The following UBAC2 variants were observed in gnomAD, a reference collection of about 807,000 sequenced individuals.
UBAC2 encodes the protein UBA domain containing 2.
UBAC2 carries 26 observed loss-of-function variants against 44.0 expected under a neutral mutation model. The ratio of observed to expected loss-of-function variants is 0.59; its 90% CI spans 0.43 to 0.82. UBAC2 has a LOEUF of 0.82. UBAC2 is among the 40% of genes least tolerant of loss of function. The pLI is 0.00. For missense variants in UBAC2, 329 were observed against 419.4 expected, an observed-to-expected ratio of 0.78 and a Z score of 1.88; for synonymous variants, 155 against 154.3, an observed-to-expected ratio of 1.00 and a Z score of -0.04.
At chr13:99,207,259 T>C (rs1393775932) in intron 1 of UBAC2, among the ~76,000 whole-genome samples, 1 of 152,242 alleles carries the variant, frequency 6.6e-6, no homozygotes, top group East Asian at 1.9e-4. Context: ...CTTCAGATGC[T>C]TTCTTGATGG....
intron 4 of UBAC2, among the ~76,000 whole-genome samples, chr13:99,299,449 TAC>T (rs1005093496): frequency 2.7e-5 from 4 of 150,006 alleles, no homozygotes; most frequent in African/African-American, 7.4e-5. Flanking sequence ...GGGAAGCAAA[TAC>T]ACACACACAC....
chr13:99,267,489 C>T (rs759121169), intron 4 of UBAC2, among the ~76,000 whole-genome samples: 1 of 152,114 alleles, frequency 6.6e-6, no homozygotes, highest in Non-Finnish European at 1.5e-5. Context: ...CTTTTGGAAC[C>T]TTTCCTCATG....
chr13:99,289,801 C>T (rs1380636789), intron 4 of UBAC2, among the ~76,000 whole-genome samples: 1 of 152,076 alleles, frequency 6.6e-6, no homozygotes, highest in Non-Finnish European at 1.5e-5. Flanking sequence ...ATTCAGGGAC[C>T]CAGGCTGACA....
chr13:99,265,182 C>T (rs1312078696), intron 4 of UBAC2, among the ~76,000 whole-genome samples: 3 of 152,158 alleles, frequency 2.0e-5, no homozygotes, highest in African/African-American at 7.2e-5. Flanking sequence ...AACTAGTACT[C>T]CATTCAGTTG....
chr13:99,218,594 C>T (rs1224861668), intron 1 of UBAC2, among the ~76,000 whole-genome samples: 1 of 151,648 alleles, frequency 6.6e-6, no homozygotes, highest in Non-Finnish European at 1.5e-5. Flanking sequence ...TTATTGGCTG[C>T]TGTCCTGAGC....
chr13:99,246,360 A>G, intron 4 of UBAC2, among the ~76,000 whole-genome samples: 1 of 152,244 alleles, frequency 6.6e-6, no homozygotes, highest in African/African-American at 2.4e-5. Flanking sequence ...GTATTCTGTT[A>G]TTGGGGAAAA....
intron 1 of UBAC2, among the ~76,000 whole-genome samples, chr13:99,227,670 TTTG>T (rs2043126083): frequency 1.3e-5 from 2 of 152,132 alleles, no homozygotes; most frequent in Admixed American, 6.5e-5. Flanking sequence ...CCTTGTTTTG[TTTG>T]TTGTTGTTTT....
intron 7 of UBAC2, among the ~76,000 whole-genome samples, chr13:99,348,031 G>A (rs1354394562): frequency 6.6e-6 from 1 of 152,120 alleles, no homozygotes; most frequent in Non-Finnish European, 1.5e-5. Flanking sequence ...TCCCAGCAGA[G>A]CTGCCTTCTC....
chr13:99,382,280 CAG>C (rs1397110747), intron 8 of UBAC2, among the ~76,000 whole-genome samples: 1 of 152,148 alleles, frequency 6.6e-6, no homozygotes, highest in Non-Finnish European at 1.5e-5. Flanking sequence ...TGGAATTTAA[CAG>C]AGATATGTAG....
intron 4 of UBAC2, among the ~76,000 whole-genome samples, chr13:99,250,745 T>C (rs1393935057): frequency 1.4e-5 from 2 of 147,628 alleles, no homozygotes; most frequent in East Asian, 4.3e-4. Context: ...CTTTGATTTT[T>C]TTCTTTTTTC....
intron 8 of UBAC2, among the ~76,000 whole-genome samples, chr13:99,379,649 T>C (rs2045524810): frequency 6.6e-6 from 1 of 152,194 alleles, no homozygotes. Context: ...TGTTTCTCTA[T>C]TTTTCATTAA....
chr13:99,239,017 AAG>A (rs2043270990), intron 2 of UBAC2, among the ~76,000 whole-genome samples: 3 of 152,224 alleles, frequency 2.0e-5, no homozygotes, highest in Admixed American at 2.0e-4. Flanking sequence ...TGCTGTGGGA[AAG>A]AGCAGAAGTG....
chr13:99,276,416 A>C (rs2043883487), intron 4 of UBAC2, among the ~76,000 whole-genome samples: 1 of 152,240 alleles, frequency 6.6e-6, no homozygotes, highest in Non-Finnish European at 1.5e-5. Context: ...AACGTCTCAC[A>C]GAACTCAGGA....
At chr13:99,334,161 C>T (rs1021770369) in intron 6 of UBAC2, among the ~76,000 whole-genome samples, 1 of 151,902 alleles carries the variant, frequency 6.6e-6, no homozygotes, top group African/African-American at 2.4e-5. Flanking sequence ...GGGTCTTGCT[C>T]TGTTGCCCAG....
chr13:99,340,058 A>T (rs1927724), intron 6 of UBAC2, among the ~76,000 whole-genome samples: 1 of 152,018 alleles, frequency 6.6e-6, no homozygotes, highest in Non-Finnish European at 1.5e-5. Flanking sequence ...CTTTTACCAG[A>T]ACTTTGAATA....
chr13:99,293,874 A>T (rs926269197), intron 4 of UBAC2, among the ~76,000 whole-genome samples: 2 of 152,190 alleles, frequency 1.3e-5, no homozygotes, highest in Non-Finnish European at 2.9e-5. Context: ...TCTGAAAAAA[A>T]TTTTTAAAGT....
intron 1 of UBAC2, among the ~76,000 whole-genome samples, chr13:99,205,332 TC>T (rs1369067957): frequency 6.6e-6 from 1 of 152,068 alleles, no homozygotes; most frequent in South Asian, 2.1e-4. Flanking sequence ...GAGGTGAGGA[TC>T]CGGGGCCCAG....
At chr13:99,383,261 C>G (rs959621155) in intron 8 of UBAC2, among the ~76,000 whole-genome samples, 2 of 152,254 alleles carry the variant, frequency 1.3e-5, no homozygotes, top group African/African-American at 4.8e-5. Flanking sequence ...ATAAAATGCT[C>G]TCGAGTCAGG....
At chr13:99,228,241 G>C (rs1160723750) in intron 1 of UBAC2, among the ~76,000 whole-genome samples, 2 of 152,144 alleles carry the variant, frequency 1.3e-5, no homozygotes, top group Non-Finnish European at 2.9e-5. Flanking sequence ...GGGAAGCCCG[G>C]GGTGTTGTGA....
Sources: allele counts gnomAD v4.1 joint callset (sites outside exome capture counted in the v4.1 genomes callset), GRCh38; gene constraint gnomAD v4.1.1; transcripts MANE v1.5; gene names NCBI Gene and HGNC (gene_info 2026-07-23, HGNC 2026-07-21).